Variants in PHF21B observed in about 807,000 individuals in gnomAD.
PHF21B encodes PHD finger protein 21B.
A neutral mutation model predicts 62.2 loss-of-function variants in PHF21B; 22 were observed. The ratio of observed to expected loss-of-function variants is 0.35; its 90% confidence interval spans 0.25 to 0.51. PHF21B has a LOEUF of 0.51. Among genes scored for constraint, PHF21B ranks in the 20% least tolerant of loss-of-function variants. The pLI, the probability that PHF21B is intolerant of heterozygous loss-of-function variation, is 0.97. For missense variants in PHF21B, 701 were observed against 707.9 expected, an observed-to-expected ratio of 0.99 and a Z score of 0.11; for synonymous variants, 341 against 314.7, an observed-to-expected ratio of 1.08 and a Z score of -0.88.
intron 2 of PHF21B, among the ~76,000 whole-genome samples, chr22:45,007,184 G>A (rs999512173): frequency 2.7e-5 from 4 of 150,888 alleles, no homozygotes; most frequent in African/African-American, 9.8e-5. Flanking sequence ...CAGACCAGGC[G>A]CGGGCCGCGG....
chr22:44,992,168 C>T (rs1477240917), intron 2 of PHF21B, among the ~76,000 whole-genome samples: 4 of 152,268 alleles, frequency 2.6e-5, no homozygotes, highest in African/African-American at 9.6e-5. Context: ...TTAATCCCTT[C>T]TCTCCATGCC....
chr22:44,885,890 C>T lies in PHF21B; in HGVS notation c.1246G>A (p.Val416Met), dbSNP rs553538977. The T allele has an allele frequency of 1.5e-5, 25 of 1,614,074 alleles. No individual in the cohort carries two copies. The Admixed American group carries it at 2.3e-4, about 15-fold the overall frequency. ...GTCTTGTGGGTGACATAAGAGTGCA[C>T]GATGGCCAGCATCCCAGTCCAGGGC... ...GVPWTGMLAIVHSYVTHKTVK... is the reference protein window; with the variant it reads ...GVPWTGMLAIMHSYVTHKTVK... Residue 416 changes from valine (V) to methionine (M), a missense_variant, in exon 11 of 13, where the codon GTG becomes ATG. Transcript: ENST00000313237.
intron 2 of PHF21B, among the ~76,000 whole-genome samples, chr22:44,928,563 C>T (rs2071678964): frequency 6.6e-6 from 1 of 152,282 alleles, no homozygotes; most frequent in Middle Eastern, 3.4e-3. Context: ...GCGCCCACCA[C>T]CATGTCTGGC....
At chr22:44,915,863 G>A (rs1358764364) in intron 4 of PHF21B, among the ~76,000 whole-genome samples, 1 of 152,172 alleles carries the variant, frequency 6.6e-6, no homozygotes, top group Admixed American at 6.5e-5. Context: ...CTTGGGCAGT[G>A]GGGTAAAAAC....
At chr22:45,008,703 C>G in intron 1 of PHF21B, 93 bp from the exon 2 acceptor site, 1 of 1,204,862 alleles carries the variant, frequency 8.3e-7, no homozygotes. Context: ...CCCGGAGCCC[C>G]ACGGGCGGGG....
At chr22:44,895,345 GA>G (rs1569212117) in intron 6 of PHF21B, among the ~76,000 whole-genome samples, 1 of 152,168 alleles carries the variant, frequency 6.6e-6, no homozygotes, top group African/African-American at 2.4e-5. Context: ...ATCATTCTAC[GA>G]TGATGTTCAC....
intron 5 of PHF21B, among the ~76,000 whole-genome samples, chr22:44,908,819 A>G (rs1278892564): frequency 6.6e-6 from 1 of 152,198 alleles, no homozygotes; most frequent in East Asian, 1.9e-4. Context: ...TGTACATGAG[A>G]TGGAGTCTTG....
At chr22:44,965,120 C>A (rs2072499371) in intron 2 of PHF21B, among the ~76,000 whole-genome samples, 3 of 152,148 alleles carry the variant, frequency 2.0e-5, no homozygotes, top group African/African-American at 7.2e-5. Flanking sequence ...GCCTGGGACT[C>A]AACCGGCTTG....
Position 45,009,624 on chromosome 22 carries a change from A to T in PHF21B, c.-75T>A. 7.1e-7 allele frequency: 1 copy of T among 1,411,062 alleles called. No homozygotes were observed. The highest frequency in any genetic ancestry group is 9.2e-7 in the Non-Finnish European group (1 of 1,082,732). The allele number at this position is 1,411,062 out of a possible 1,614,324, so 87.4% of individuals were successfully genotyped here. A position where few individuals can be genotyped will look rare whatever the true frequency, so the allele number is the denominator to read the frequency against. On this transcript the variant is annotated 5_prime_UTR_variant, in exon 1 of 13. Transcript: ENST00000313237. The surrounding 1 kb of genome is among the most constrained non-coding windows in gnomAD (Gnocchi z 5.9). ...GAAGTTGCGCGGCTCCGCGGGGGCCAGAGCGGGCGCGGGCGGACGCGGCCT... is the reference window on the plus strand; with the variant it reads ...GAAGTTGCGCGGCTCCGCGGGGGCCTGAGCGGGCGCGGGCGGACGCGGCCT...
In PHF21B at chr22:44,911,903, G is replaced by A. The variant is rs529685080; in HGVS notation, c.831+1919C>T. On this transcript the variant is annotated intron_variant, in intron 5 of 12. Transcript: ENST00000313237. ...AAGCTGCAGACACTCAACACCAGCC[G>A]GTGAAAGCAACCAGGAGGGAGGCTA... Among the ~76,000 whole-genome samples, 304 of 152,320 alleles carry A rather than the reference G, an allele frequency of 2.0e-3. 3 individuals are homozygous for A. The highest frequency in any genetic ancestry group is 4.3e-4 in the African/African-American group (18 of 41,570).
Position 45,009,780 on chromosome 22 carries a change from C to G in PHF21B, c.-231G>C, listed in dbSNP as rs1224925273. 7.4e-6 allele frequency: 2 copies of G among 271,728 alleles called. No individual in the cohort carries two copies. The highest frequency in any genetic ancestry group is 2.3e-5 in the African/African-American group (1 of 44,132). The allele number at this position is 271,728 out of a possible 1,614,324, so 16.8% of individuals were successfully genotyped here. ...GGCTGCCCCAACTCCTCAGGCTGCC[C>G]GGCAAGTTGCGCCGGGTCCCCGGGC... On this transcript the variant is annotated 5_prime_UTR_variant, in exon 1 of 13. Coordinates refer to ENST00000313237, the MANE Select transcript of PHF21B (RefSeq NM_138415.5). This position sits in a 1 kb window ranked among gnomAD's most constrained non-coding sequence, Gnocchi z 5.9.
intron 2 of PHF21B, among the ~76,000 whole-genome samples, chr22:44,942,934 T>C (rs2071987751): frequency 6.6e-6 from 1 of 151,304 alleles, no homozygotes; most frequent in Non-Finnish European, 1.5e-5. Flanking sequence ...GAAAGGGGGA[T>C]TCAGAGCTTA....
Position 44,881,576 on chromosome 22 carries a change from GCA to G in PHF21B, c.*1508_*1509del, listed in dbSNP as rs1337100391. ...TATTAAAATAGATCTGTATCATACAGCACAGTTTCTCCCGGAGTCGTGAGAAT... is the reference window on the plus strand; with the variant it reads ...TATTAAAATAGATCTGTATCATACAGCAGTTTCTCCCGGAGTCGTGAGAAT... On this transcript the variant is annotated 3_prime_UTR_variant, in exon 13 of 13. Transcript: ENST00000313237. 6.5e-6 allele frequency: 1 copy of G among 152,716 alleles called. No individual in the cohort carries two copies. Among genetic ancestry groups the G allele is most frequent in the Non-Finnish European group, 1.5e-5 (1 of 68,044 alleles). The allele number at this position is 152,716 out of a possible 1,614,324, so 9.5% of individuals were successfully genotyped here.
intron 5 of PHF21B, among the ~76,000 whole-genome samples, chr22:44,908,312 T>TCG (rs1198644970): frequency 6.6e-6 from 1 of 152,154 alleles, no homozygotes; most frequent in Non-Finnish European, 1.5e-5. Context: ...CAACAGTCCC[T>TCG]TCCTGTGGGG....
chr22:44,998,410 G>A (rs1601695222), intron 2 of PHF21B, among the ~76,000 whole-genome samples: 3 of 152,284 alleles, frequency 2.0e-5, no homozygotes, highest in East Asian at 1.9e-4. Context: ...TGGGCCAAGC[G>A]CAGTGATCAG....
chr22:44,989,625 T>G (rs2073011328), intron 2 of PHF21B: 1 of 147,970 alleles, frequency 6.8e-6, no homozygotes, highest in Non-Finnish European at 1.5e-5. Flanking sequence ...TTTTTTTTTT[T>G]TTTGAGACGA....
chr22:44,971,645 T>G (rs906367900), intron 2 of PHF21B, among the ~76,000 whole-genome samples: 1 of 152,186 alleles, frequency 6.6e-6, no homozygotes, highest in African/African-American at 2.4e-5. Flanking sequence ...TGGGCGGCTC[T>G]CTCTCTCCCT....
At chr22:44,909,762 C>T (rs1359582006) in intron 5 of PHF21B, among the ~76,000 whole-genome samples, 1 of 152,232 alleles carries the variant, frequency 6.6e-6, no homozygotes, top group Non-Finnish European at 1.5e-5. Flanking sequence ...AGCTGGTGAG[C>T]TACCCCTCTG....
At chr22:45,002,891 A>G (rs1040111003) in intron 2 of PHF21B, 2 of 152,052 alleles carry the variant, frequency 1.3e-5, no homozygotes, top group African/African-American at 4.8e-5. Context: ...CTCTGGGGCC[A>G]TTTTCCCTTG....
Sources: allele counts gnomAD v4.1 joint callset (sites outside exome capture counted in the v4.1 genomes callset), GRCh38; gene constraint gnomAD v4.1.1; non-coding constraint Gnocchi (gnomAD v3.1); transcripts MANE v1.5; gene names NCBI Gene and HGNC (gene_info 2026-07-23, HGNC 2026-07-21).